PITPNM2: variants seen among roughly 807,000 people sequenced by gnomAD.
PITPNM2 encodes phosphatidylinositol transfer protein membrane associated 2, also known as membrane-associated phosphatidylinositol transfer protein 2.
A neutral mutation model predicts 132.2 loss-of-function variants in PITPNM2; 35 were observed. The observed-to-expected ratio is 0.26, with a 90% confidence interval of 0.20 to 0.35. PITPNM2 has a LOEUF of 0.35. PITPNM2 is among the 10% of genes least tolerant of loss of function. PITPNM2 has a pLI of 1.00. For synonymous variants in PITPNM2, 738 were observed against 799.2 expected, an observed-to-expected ratio of 0.92 and a Z score of 1.29; for missense variants, 1,332 against 1,912.0, an observed-to-expected ratio of 0.70 and a Z score of 5.66.
At chr12:123,089,214 C>A (rs901624650) in intron 2 of PITPNM2, 1 of 152,162 alleles carries the variant, frequency 6.6e-6, no homozygotes, top group African/African-American at 2.4e-5. Context: ...TGCGCAGCCC[C>A]GAACCCACCC....
intron 2 of PITPNM2, among the ~76,000 whole-genome samples, chr12:123,039,636 C>G (rs895699997): frequency 6.6e-6 from 1 of 152,178 alleles, no homozygotes; most frequent in Non-Finnish European, 1.5e-5. Context: ...GATGCATGTC[C>G]TCATACATTT....
rs928711121 is a variant in PITPNM2, at chr12:123,108,414, C to G, written c.-96+1971G>C. ...ACCAAGGCTGTGTTGAAGCAGCGTC[C>G]CTCAGAGCAATGTCAGTGCTCAGGC... On this transcript the variant is annotated intron_variant, in intron 2 of 25. Transcript: ENST00000320201. This position sits in a 1 kb window ranked among gnomAD's most constrained non-coding sequence, Gnocchi z 4.4. Among the ~76,000 whole-genome samples the G allele has an allele frequency of 6.6e-6, 1 of 152,094 alleles. No individual in the cohort carries two copies. The highest frequency in any genetic ancestry group is 2.4e-5 in the African/African-American group (1 of 41,398).
intron 4 of PITPNM2, among the ~76,000 whole-genome samples, chr12:123,013,213 G>A (rs747780598): frequency 1.3e-5 from 2 of 152,236 alleles, no homozygotes; most frequent in South Asian, 2.1e-4. Context: ...AGCTCCAGGT[G>A]CCCACCAGCG....
rs10606016 is a variant in PITPNM2, at chr12:123,052,077, G to GTT, written c.-95-17394_-95-17393dup. Among the ~76,000 whole-genome samples, 639 of 100,614 alleles carry GTT rather than the reference G, an allele frequency of 6.4e-3. 7 individuals carry two copies. Among genetic ancestry groups the GTT allele is most frequent in the South Asian group, 0.037 (103 of 2,756 alleles). The allele number at this position is 100,614 out of a possible 152,430, so 66.0% of individuals were successfully genotyped here. ...ACCACCATGCCCGGTTAATTTTATT[G>GTT]TTTTTTTTTTTTTTTTTTTTTGTAT... On this transcript the variant is annotated intron_variant, in intron 2 of 25. Transcript: ENST00000320201.
chr12:123,140,955 AG>A (rs2043493225), intron 1 of PITPNM2, among the ~76,000 whole-genome samples: 1 of 152,114 alleles, frequency 6.6e-6, no homozygotes, highest in Admixed American at 6.5e-5. Context: ...CTTGGAAAAA[AG>A]AAAAGGGAAA....
In PITPNM2 at chr12:123,005,104, C is replaced by G. The variant is rs938787616; in HGVS notation, c.952+136G>C. On this transcript the variant is annotated intron_variant, in intron 7 of 25. Coordinates refer to ENST00000320201, the MANE Select transcript of PITPNM2 (RefSeq NM_020845.3). The surrounding 1 kb of genome is among the most constrained non-coding windows in gnomAD (Gnocchi z 6.2). ...CCTGTGTGCGAGGACTAGCCCAGGG[C>G]TCTGACTCCCTCTGGGCTTGGTGCC... The G allele has an allele frequency of 9.1e-7, 1 of 1,100,324 alleles. No homozygotes were observed. The highest frequency in any genetic ancestry group is 1.6e-5 in the African/African-American group (1 of 63,698). The allele number at this position is 1,100,324 out of a possible 1,614,324, so 68.2% of individuals were successfully genotyped here.
At chr12:123,019,073 C>A (rs918936886) in intron 3 of PITPNM2, among the ~76,000 whole-genome samples, 3 of 152,152 alleles carry the variant, frequency 2.0e-5, no homozygotes, top group Non-Finnish European at 4.4e-5. Flanking sequence ...AATGAGCCAC[C>A]GTGCCTGGCT....
rs1032775113 is a variant in PITPNM2 at position 122,994,163 on chromosome 12, G to A, written c.2233+638C>T. Among the ~76,000 whole-genome samples, 2 of 152,192 alleles carry A rather than the reference G, an allele frequency of 1.3e-5. No individual in the cohort carries two copies. Among genetic ancestry groups the A allele is most frequent in the Non-Finnish European group, 2.9e-5 (2 of 68,032 alleles). Reference sequence around the variant, plus strand: ...TGCTGGATTACAGGCGTGAGCCACCGCGCCCGGCCAGCTCTGCATTTTTAA... The same window carrying A: ...TGCTGGATTACAGGCGTGAGCCACCACGCCCGGCCAGCTCTGCATTTTTAA... On this transcript the variant is annotated intron_variant, in intron 15 of 25. Transcript: ENST00000320201. The surrounding 1 kb of genome is among the most constrained non-coding windows in gnomAD (Gnocchi z 5.4).
chr12:123,054,345 T>C (rs575659696), intron 2 of PITPNM2, among the ~76,000 whole-genome samples: 2 of 152,370 alleles, frequency 1.3e-5, no homozygotes, highest in East Asian at 3.9e-4. Context: ...TAAAGGCATT[T>C]GTTTGCCTGC....
At chr12:123,069,620 C>T (rs1351432716) in intron 2 of PITPNM2, among the ~76,000 whole-genome samples, 1 of 152,124 alleles carries the variant, frequency 6.6e-6, no homozygotes, top group Non-Finnish European at 1.5e-5. Context: ...TTCCCAAGCC[C>T]CGTGGGCCGA....
intron 8 of PITPNM2, among the ~76,000 whole-genome samples, chr12:123,002,535 C>G (rs926659626): frequency 6.6e-6 from 1 of 152,122 alleles, no homozygotes; most frequent in Admixed American, 6.5e-5. Flanking sequence ...ATCTCAGCCT[C>G]CCGAGTAGCT....
At chr12:122,987,152 C>G in intron 23 of PITPNM2, 129 bp downstream of exon 23, 1 of 1,344,234 alleles carries the variant, frequency 7.4e-7, no homozygotes, top group Non-Finnish European at 1.0e-6. Flanking sequence ...GAACTGAGGT[C>G]CTTAAGGCCC....
intron 1 of PITPNM2, among the ~76,000 whole-genome samples, chr12:123,134,968 GA>G (rs1488182575): frequency 6.6e-6 from 1 of 152,158 alleles, no homozygotes; most frequent in Non-Finnish European, 1.5e-5. Flanking sequence ...GGCCTAGCAG[GA>G]GAAAGCTCAG....
chr12:123,121,268 C>T (rs1457537709), intron 1 of PITPNM2, among the ~76,000 whole-genome samples: 2 of 152,190 alleles, frequency 1.3e-5, no homozygotes, highest in Non-Finnish European at 1.5e-5. Flanking sequence ...CAACACTTTA[C>T]GAGGCCGAGA....
intron 2 of PITPNM2, among the ~76,000 whole-genome samples, chr12:123,059,119 CA>C (rs1474901810): frequency 6.6e-6 from 1 of 152,198 alleles, no homozygotes; most frequent in African/African-American, 2.4e-5. Flanking sequence ...GAGAACCAGG[CA>C]GGGAGAAGGC....
chr12:123,050,353 A>C (rs1344683466), intron 2 of PITPNM2, among the ~76,000 whole-genome samples: 1 of 152,198 alleles, frequency 6.6e-6, no homozygotes, highest in Non-Finnish European at 1.5e-5. Flanking sequence ...TGGAAACTCA[A>C]TGCTCAGAAG....
intron 2 of PITPNM2, among the ~76,000 whole-genome samples, chr12:123,039,643 A>G (rs2040391698): frequency 1.3e-5 from 2 of 152,186 alleles, no homozygotes; most frequent in Admixed American, 1.3e-4. Flanking sequence ...GTCCTCATAC[A>G]TTTGTCCAAA....
chr12:122,987,976 T>A, intron 20 of PITPNM2, 75 bp from the exon 21 acceptor site: 1 of 1,339,414 alleles, frequency 7.5e-7, no homozygotes, highest in Non-Finnish European at 1.0e-6. Flanking sequence ...TCAAGCTCTG[T>A]GGGCCTGAGG....
rs765011365 is a variant in PITPNM2 at position 123,005,813 on chromosome 12, G to A, written c.644-265C>T. On this transcript the variant is annotated intron_variant, in intron 6 of 25. Transcript: ENST00000320201. The surrounding 1 kb of genome is among the most constrained non-coding windows in gnomAD (Gnocchi z 6.2). Reference sequence around the variant, plus strand: ...GCAATGTGTCCGGTCAGAAGCCACAGTTGGAAGGGCGCAGTGGCTCATGCC... The same window carrying A: ...GCAATGTGTCCGGTCAGAAGCCACAATTGGAAGGGCGCAGTGGCTCATGCC... 5 of 511,548 alleles carry A rather than the reference G, an allele frequency of 9.8e-6. No individual in the cohort carries two copies. Among genetic ancestry groups the A allele is most frequent in the Non-Finnish European group, 1.7e-5 (5 of 288,858 alleles). The allele number at this position is 511,548 out of a possible 1,614,324, so 31.7% of individuals were successfully genotyped here.
Sources: allele counts gnomAD v4.1 joint callset (sites outside exome capture counted in the v4.1 genomes callset), GRCh38; gene constraint gnomAD v4.1.1; non-coding constraint Gnocchi (gnomAD v3.1); transcripts MANE v1.5; gene names NCBI Gene and HGNC (gene_info 2026-07-23, HGNC 2026-07-21).